Variants in ARID2 observed in about 807,000 individuals in gnomAD.
ARID2 encodes AT-rich interactive domain-containing protein 2.
Under a neutral mutation model 184.6 loss-of-function variants are expected in ARID2, and 32 were observed. The observed-to-expected ratio is 0.17, with a 90% CI of 0.13 to 0.23. The LOEUF (loss-of-function observed/expected upper bound fraction) is 0.23. Among genes scored for constraint, ARID2 ranks in the 10% least tolerant of loss-of-function variants. ARID2 has a pLI of 1.00. For synonymous variants in ARID2, 836 were observed against 772.6 expected (o/e 1.08, Z -1.36); for missense variants, 1,696 against 2,197.6 (o/e 0.77, Z 4.56).
chr12:45,797,725 AT>A (rs879883386), intron 3 of ARID2, among the ~76,000 whole-genome samples: 10 of 151,658 alleles, frequency 6.6e-5, no homozygotes, highest in East Asian at 1.9e-4. Context: ...AAAAAAATTA[AT>A]TTTTTTTGTT....
chr12:45,856,491 G>A (rs1363726017), intron 15 of ARID2, among the ~76,000 whole-genome samples: 1 of 151,896 alleles, frequency 6.6e-6, no homozygotes, highest in East Asian at 1.9e-4. Context: ...GATTTTTTTT[G>A]GAGAAACCTT....
intron 3 of ARID2, among the ~76,000 whole-genome samples, chr12:45,760,060 C>A (rs973107338): frequency 2.3e-4 from 35 of 152,130 alleles, no homozygotes; most frequent in Non-Finnish European, 4.3e-4. Flanking sequence ...GTTAACGCTG[C>A]ATGAATAGCA....
At chr12:45,853,354 C>T (rs553572262) in intron 15 of ARID2, among the ~76,000 whole-genome samples, 18 of 152,134 alleles carry the variant, frequency 1.2e-4, no homozygotes, top group Non-Finnish European at 1.9e-4. Flanking sequence ...CTTTATCAGT[C>T]GTATTCTTTT....
chr12:45,902,446 A>G lies in ARID2; in HGVS notation c.5364-2488A>G, dbSNP rs148395297. ...AATATGATTTTGTTAACTTTTTGAAACTAAAGTCTTTTTTCTTTCTTTGTT... is the reference window on the plus strand; with the variant it reads ...AATATGATTTTGTTAACTTTTTGAAGCTAAAGTCTTTTTTCTTTCTTTGTT... On this transcript the variant is annotated intron_variant, in intron 20 of 20. Transcript: ENST00000334344. Among the ~76,000 whole-genome samples, 493 of 152,328 alleles carry G rather than the reference A, an allele frequency of 3.2e-3. 1 individual carries two copies. The highest frequency in any genetic ancestry group is 0.011 in the African/African-American group (474 of 41,568).
intron 3 of ARID2, among the ~76,000 whole-genome samples, chr12:45,772,650 A>G (rs1941899063): frequency 6.6e-6 from 1 of 152,200 alleles, no homozygotes; most frequent in Non-Finnish European, 1.5e-5. Flanking sequence ...TACTGAAGCT[A>G]AAAAGGGACA....
In ARID2 at chr12:45,782,487, G is replaced by T. The variant is rs145767175; in HGVS notation, c.285-28931G>T. On this transcript the variant is annotated intron_variant, in intron 3 of 20. Coordinates refer to ENST00000334344, the MANE Select transcript of ARID2 (RefSeq NM_152641.4). ...TCTCTACTGAAAATACAAAAATTAG[G>T]TGGGCATGTTGTCAGATGCCTGCAA... Among the ~76,000 whole-genome samples, 6 of 152,028 alleles carry T rather than the reference G, an allele frequency of 3.9e-5. No individual in the cohort carries two copies. In the East Asian group the frequency reaches 1.2e-3, roughly 30 times the overall value.
rs2138168612 is a variant in ARID2, at chr12:45,851,180, A to G, written c.3057A>G (p.Pro1019=). 1 of 1,614,162 alleles carries G rather than the reference A, an allele frequency of 6.2e-7. No homozygotes were observed. The highest frequency in any genetic ancestry group is 8.5e-7 in the Non-Finnish European group (1 of 1,180,012). Residue 1019 remains proline (P), a synonymous_variant, in exon 15 of 21, where the codon CCA becomes CCG. Transcript: ENST00000334344. Reference sequence around the variant, plus strand: ...GGCAGCAACAGCAGCAACATTCACCAGCACCCCCACCACAGCAGGTACAAG... The same window carrying G: ...GGCAGCAACAGCAGCAACATTCACCGGCACCCCCACCACAGCAGGTACAAG... The part of the protein sequence containing the change: ...VKRQQQQQHS[P]APPPQQVQVQ...
intron 3 of ARID2, among the ~76,000 whole-genome samples, chr12:45,736,949 C>G (rs894227806): frequency 2.6e-5 from 4 of 152,130 alleles, no homozygotes; most frequent in Admixed American, 1.3e-4. Flanking sequence ...ACACCATCGC[C>G]AAAACTGCAA....
At chr12:45,818,125 T>C (rs1565607654) in intron 5 of ARID2, among the ~76,000 whole-genome samples, 2 of 152,158 alleles carry the variant, frequency 1.3e-5, no homozygotes, top group Admixed American at 1.3e-4. Flanking sequence ...TGGAGTAATA[T>C]ATAGATTTCC....
In ARID2 at chr12:45,856,208, G is replaced by A. The variant is rs868295448; in HGVS notation, c.4773+3312G>A. On this transcript the variant is annotated intron_variant, in intron 15 of 20. Transcript: ENST00000334344. The stretch of plus-strand genomic sequence containing the variant: ...TTCCACCTCAGCCTCCTGAGTAACT[G>A]GAATTACAGGCCACCATGCCTGGCT... 4.6e-5 allele frequency among the ~76,000 whole-genome samples: 7 copies of A among 150,718 alleles called. No individual in the cohort carries two copies. In the Middle Eastern group the frequency reaches 0.01, roughly 224 times the overall value.
chr12:45,901,762 A>G (rs1185927627), intron 20 of ARID2, among the ~76,000 whole-genome samples: 2 of 151,896 alleles, frequency 1.3e-5, no homozygotes, highest in Non-Finnish European at 2.9e-5. Flanking sequence ...CCTGGGCTCA[A>G]GTGATCCTCC....
chr12:45,800,315 CAAAG>C (rs1262998847), intron 3 of ARID2, among the ~76,000 whole-genome samples: 3 of 152,158 alleles, frequency 2.0e-5, no homozygotes, highest in Admixed American at 6.5e-5. Flanking sequence ...TCTGAAGACA[CAAAG>C]AACTGTAAAA....
At chr12:45,848,166 A>G (rs1943478400) in intron 12 of ARID2, among the ~76,000 whole-genome samples, 1 of 151,966 alleles carries the variant, frequency 6.6e-6, no homozygotes. Flanking sequence ...AGTTTAGCCT[A>G]TTATACATAG....
intron 3 of ARID2, among the ~76,000 whole-genome samples, chr12:45,780,913 C>T (rs1227930734): frequency 6.6e-6 from 1 of 152,108 alleles, no homozygotes; most frequent in African/African-American, 2.4e-5. Flanking sequence ...AGCCACTGCG[C>T]CCGGCTGAAA....
At position 45,777,943 on chromosome 12, in the gene ARID2, C is replaced by T. The variant is rs556326142; in HGVS notation, c.285-33475C>T. 3.1e-4 allele frequency among the ~76,000 whole-genome samples: 47 copies of T among 152,028 alleles called. 1 individual carries two copies. The South Asian group carries it at 8.1e-3, about 26-fold the overall frequency. On this transcript the variant is annotated intron_variant, in intron 3 of 20. Transcript: ENST00000334344. ...AAAACCGGCCAGGCCCAGTGGCTCACGCCTGTAATCCCAGCACTTTGGGAG... is the reference window on the plus strand; with the variant it reads ...AAAACCGGCCAGGCCCAGTGGCTCATGCCTGTAATCCCAGCACTTTGGGAG...
chr12:45,852,157 A>G lies in ARID2; in HGVS notation c.4034A>G (p.Asp1345Gly), dbSNP rs2138176504. The change falls in exon 15 of 21, where the codon GAC (aspartate) becomes GGC (glycine). Residue 1345 changes from aspartate (D) to glycine (G), a missense_variant. Coordinates refer to ENST00000334344, the MANE Select transcript of ARID2 (RefSeq NM_152641.4). ...GGGAAACAGAACTCAGAACAAATAG[A>G]CATGCAAGATATCAAAAGTGATTTG... is the stretch of plus-strand genomic sequence containing the variant. ...ASGKQNSEQI[D>G]MQDIKSDLRK... is the part of the protein sequence containing the mutation. The G allele has an allele frequency of 6.2e-7, 1 of 1,614,164 alleles. No homozygotes were observed. The highest frequency in any genetic ancestry group is 8.5e-7 in the Non-Finnish European group (1 of 1,180,016).
chr12:45,839,583 G>GA, intron 11 of ARID2, 87 bp downstream of exon 11: 1 of 1,451,136 alleles, frequency 6.9e-7, no homozygotes, highest in Non-Finnish European at 9.2e-7. Context: ...GCAGTATAGA[G>GA]AACTGATATT....
At chr12:45,742,406 A>G (rs1394074254) in intron 3 of ARID2, among the ~76,000 whole-genome samples, 5 of 152,200 alleles carry the variant, frequency 3.3e-5, no homozygotes, top group Admixed American at 1.3e-4. Context: ...CTAGGTATGT[A>G]GTAGACTATA....
rs1944538499 is a variant in ARID2 at position 45,906,985 on chromosome 12, T to C, written c.*1907T>C. The C allele has an allele frequency of 4.3e-6, 1 of 231,838 alleles. No individual in the cohort carries two copies. Among genetic ancestry groups the C allele is most frequent in the Non-Finnish European group, 8.5e-6 (1 of 117,188 alleles). 14.4% of individuals were successfully genotyped at this position (231,838 alleles called of 1,614,324 possible). On this transcript the variant is annotated 3_prime_UTR_variant, in exon 21 of 21. Coordinates refer to ENST00000334344, the MANE Select transcript of ARID2 (RefSeq NM_152641.4). ...CATATTAAAAATGTTTTAAATATTT[T>C]GATTGAATTAGTACCAATGTAAAAT...
Sources: allele counts gnomAD v4.1 joint callset (sites outside exome capture counted in the v4.1 genomes callset), GRCh38; gene constraint gnomAD v4.1.1; transcripts MANE v1.5; gene names NCBI Gene and HGNC (gene_info 2026-07-23, HGNC 2026-07-21).